Variants in TRIO observed in about 807,000 individuals in gnomAD.
TRIO encodes the protein triple functional domain protein.
A neutral mutation model predicts 351.9 loss-of-function variants in TRIO; 58 were observed. The observed-to-expected ratio is 0.16, with a 90% CI of 0.13 to 0.21. The LOEUF is 0.21. TRIO is among the 10% of genes least tolerant of loss of function. The pLI is 1.00. For missense variants in TRIO, 3,201 were observed against 4,027.8 expected (o/e 0.79, Z 5.56); for synonymous variants, 1,758 against 1,595.7 (o/e 1.10, Z -2.42).
At chr5:14,170,556 G>T (rs1789038882) in intron 1 of TRIO, among the ~76,000 whole-genome samples, 1 of 149,908 alleles carries the variant, frequency 6.7e-6, no homozygotes, top group Non-Finnish European at 1.5e-5. Flanking sequence ...GCCTAGCCTG[G>T]AGTGCAGTGG....
intron 8 of TRIO, among the ~76,000 whole-genome samples, chr5:14,315,544 C>A (rs1267510654): frequency 6.6e-6 from 1 of 151,532 alleles, no homozygotes; most frequent in African/African-American, 2.4e-5. Flanking sequence ...AGACACCACA[C>A]CCGGCCTGCT....
In TRIO at chr5:14,487,629, G is replaced by C. The variant is rs375274497; in HGVS notation, c.7001G>C (p.Ser2334Thr). Residue 2334 changes from serine (S) to threonine (T), a missense_variant, in exon 48 of 57, where the codon AGC becomes ACC. Physicochemically the swap from Ser to Thr is moderately conservative, Grantham distance 58. This residue lies in a region of TRIO where 1,089 missense variants were observed against 954.9 expected (regional missense o/e 1.14). Transcript: ENST00000344204. ...PSSCGGAPST[S>T]RSRPSRIPQP... ...AGCTGCGGCGGCGCCCCCAGCACGA[G>C]CAGGAGCCGGCCCTCCCGGATCCCC... 46 of 1,223,196 alleles carry C rather than the reference G, an allele frequency of 3.8e-5. No homozygotes were observed. The highest frequency in any genetic ancestry group is 4.3e-5 in the Non-Finnish European group (42 of 970,540). 75.8% of individuals were successfully genotyped at this position (1,223,196 alleles called of 1,614,324 possible). A position where few individuals can be genotyped will look rare whatever the true frequency, so the allele number is the denominator to read the frequency against.
intron 1 of TRIO, among the ~76,000 whole-genome samples, chr5:14,268,128 A>G (rs1203597344): frequency 6.6e-6 from 1 of 152,260 alleles, no homozygotes; most frequent in African/African-American, 2.4e-5. Flanking sequence ...ATAGGTTAAC[A>G]TAACTACAGC....
At chr5:14,505,185 A>G (rs1757584580) in intron 55 of TRIO, among the ~76,000 whole-genome samples, 1 of 152,236 alleles carries the variant, frequency 6.6e-6, no homozygotes, top group Non-Finnish European at 1.5e-5. Context: ...AAGAGTTTGA[A>G]ACCTGTGTCC....
At chr5:14,157,313 A>G (rs1788156014) in intron 1 of TRIO, among the ~76,000 whole-genome samples, 1 of 152,186 alleles carries the variant, frequency 6.6e-6, no homozygotes, top group Admixed American at 6.5e-5. Flanking sequence ...TCAGTCCCAG[A>G]AATCATGGAA....
At chr5:14,349,286 G>A (rs921061623) in intron 11 of TRIO, among the ~76,000 whole-genome samples, 21 of 143,378 alleles carry the variant, frequency 1.5e-4, no homozygotes, top group African/African-American at 2.5e-4. Context: ...ATGTGTGTAC[G>A]CACGTGAGCA....
chr5:14,322,634 A>C (rs1739988433), intron 9 of TRIO, among the ~76,000 whole-genome samples: 2 of 152,236 alleles, frequency 1.3e-5, no homozygotes, highest in South Asian at 2.1e-4. Context: ...CATCACCTAC[A>C]CTAGACCTAG....
chr5:14,499,908 C>T (rs932700821), intron 53 of TRIO, among the ~76,000 whole-genome samples: 2 of 151,652 alleles, frequency 1.3e-5, no homozygotes, highest in African/African-American at 2.4e-5. Flanking sequence ...AAAAATTAGC[C>T]GGCGTGGTGG....
At chr5:14,263,621 T>C (rs1158267483) in intron 1 of TRIO, among the ~76,000 whole-genome samples, 1 of 152,234 alleles carries the variant, frequency 6.6e-6, no homozygotes, top group Admixed American at 6.5e-5. Context: ...GATCAAATTG[T>C]AGTAGTTTTG....
chr5:14,427,134 C>T (rs1046023563), intron 34 of TRIO, among the ~76,000 whole-genome samples: 8 of 152,088 alleles, frequency 5.3e-5, no homozygotes, highest in African/African-American at 1.9e-4. Flanking sequence ...CCATCAACAC[C>T]CAGATGACCG....
intron 11 of TRIO, among the ~76,000 whole-genome samples, chr5:14,345,998 T>A (rs1742381715): frequency 1.3e-5 from 2 of 152,238 alleles, no homozygotes; most frequent in Admixed American, 1.3e-4. Context: ...TCGTATGTAT[T>A]TCTGACACAT....
chr5:14,508,487 G>A lies in TRIO; in HGVS notation c.*65G>A. 1 of 1,520,218 alleles carries A rather than the reference G, an allele frequency of 6.6e-7. No individual in the cohort carries two copies. The highest frequency in any genetic ancestry group is 2.3e-5 in the East Asian group (1 of 44,176). 94.2% of individuals were successfully genotyped at this position (1,520,218 alleles called of 1,614,324 possible). Reference sequence around the variant, plus strand: ...ATCAGCTGTTAATCTGAATTTTCAAGAGAAAACAAGCAAACATAACTGATC... The same window carrying A: ...ATCAGCTGTTAATCTGAATTTTCAAAAGAAAACAAGCAAACATAACTGATC... On this transcript the variant is annotated 3_prime_UTR_variant, in exon 57 of 57. Coordinates refer to ENST00000344204, the MANE Select transcript of TRIO (RefSeq NM_007118.4).
chr5:14,394,217 AT>A (rs1747366224), intron 28 of TRIO, 87 bp downstream of exon 28: 9 of 858,826 alleles, frequency 1.0e-5, no homozygotes, highest in South Asian at 2.2e-5. Flanking sequence ...ATTACCCTGA[AT>A]TTTTTGAAAC....
At chr5:14,360,763 AT>A (rs1416940666) in intron 13 of TRIO, among the ~76,000 whole-genome samples, 4 of 152,332 alleles carry the variant, frequency 2.6e-5, no homozygotes, top group Non-Finnish European at 5.9e-5. Flanking sequence ...ACTCTCCTGG[AT>A]GCCTTTGCTT....
At chr5:14,362,391 G>A (rs1225061782) in intron 13 of TRIO, among the ~76,000 whole-genome samples, 5 of 152,142 alleles carry the variant, frequency 3.3e-5, no homozygotes, top group Non-Finnish European at 5.9e-5. Context: ...GACTCCCAGC[G>A]TGTTCGGATT....
In TRIO at chr5:14,304,582, C is replaced by T. The variant is rs763790629; in HGVS notation, c.1490C>T (p.Ala497Val). The change falls in exon 8 of 57, where the codon GCT (alanine) becomes GTT (valine). Residue 497 changes from alanine (A) to valine (V), a missense_variant. Coordinates refer to ENST00000344204, the MANE Select transcript of TRIO (RefSeq NM_007118.4). ...HQGIYEHITL[A>V]YSEVSQDGKS... is the part of the protein sequence containing the mutation. Reference sequence around the variant, plus strand: ...GGAATATATGAACATATCACTCTTGCTTATTCTGAGGTAAGTGGCCAGTTT... The same window carrying T: ...GGAATATATGAACATATCACTCTTGTTTATTCTGAGGTAAGTGGCCAGTTT... 1.2e-6 allele frequency: 2 copies of T among 1,612,742 alleles called. No individual in the cohort carries two copies. Among genetic ancestry groups the T allele is most frequent in the East Asian group, 2.2e-5 (1 of 44,870 alleles).
intron 37 of TRIO, among the ~76,000 whole-genome samples, chr5:14,469,835 T>C (rs967104043): frequency 3.9e-5 from 6 of 152,226 alleles, no homozygotes; most frequent in Admixed American, 3.3e-4. Context: ...ATGAAGTCCG[T>C]GACTTTACCT....
chr5:14,389,421 G>T (rs767929666), intron 25 of TRIO, 23 bp downstream of exon 25: 1 of 1,548,992 alleles, frequency 6.5e-7, no homozygotes, highest in South Asian at 1.2e-5. Flanking sequence ...TTCTTTGGGA[G>T]CAGTTACGCT....
At chr5:14,163,969 T>G (rs1044118092) in intron 1 of TRIO, among the ~76,000 whole-genome samples, 1 of 152,214 alleles carries the variant, frequency 6.6e-6, no homozygotes, top group African/African-American at 2.4e-5. Context: ...GTTGCTCTTG[T>G]GTGAATGTGT....
Sources: gnomAD v4.1 joint callset for allele counts (sites outside exome capture counted in the v4.1 genomes callset) on GRCh38, gnomAD v4.1.1 for gene constraint, gnomAD v4.1.1 regional missense constraint, MANE v1.5 for transcripts, NCBI Gene and HGNC (gene_info 2026-07-23, HGNC 2026-07-21) for gene names.